Variants in CDCP1 observed in about 807,000 individuals in gnomAD.
The protein encoded by CDCP1 is CUB domain containing protein 1, also known as CUB domain-containing protein 1.
A neutral mutation model predicts 60.2 loss-of-function variants in CDCP1; 29 were observed. The observed-to-expected ratio is 0.48, with a 90% CI of 0.36 to 0.66. The LOEUF (loss-of-function observed/expected upper bound fraction) is 0.66. Among genes scored for constraint, CDCP1 ranks in the 30% least tolerant of loss-of-function variants. The probability of loss-of-function intolerance (pLI) is 0.00; values close to 1 mark genes in which losing one functional copy is unlikely to be tolerated. For missense variants in CDCP1, 876 were observed against 1,074.3 expected, an observed-to-expected ratio of 0.82 and a Z score of 2.58; for synonymous variants, 387 against 431.1, an observed-to-expected ratio of 0.90 and a Z score of 1.27.
chr3:45,118,758 G>A (rs1698835737), intron 1 of CDCP1, 137 bp from the exon 2 acceptor site: 8 of 664,032 alleles, frequency 1.2e-5, no homozygotes, highest in Admixed American at 8.4e-5. Context: ...GAGAAGAAGG[G>A]TGGTGCAAAA....
At chr3:45,087,497 T>C (rs1698215269) in intron 8 of CDCP1, among the ~76,000 whole-genome samples, 1 of 152,170 alleles carries the variant, frequency 6.6e-6, no homozygotes, top group African/African-American at 2.4e-5. Context: ...CCCAACTGGG[T>C]GGGCTATTCC....
chr3:45,115,068 G>A (rs76363076), intron 2 of CDCP1, among the ~76,000 whole-genome samples: 3,106 of 152,062 alleles, frequency 0.02, 107 homozygotes, highest in African/African-American at 0.069. Flanking sequence ...ATGTACAGTC[G>A]TTTTAAAAAC....
In CDCP1 at chr3:45,118,623, T is replaced by C; in HGVS notation, c.83-2A>G. On this transcript the variant is annotated splice_acceptor_variant, in intron 1 of 8. Coordinates refer to ENST00000296129, the MANE Select transcript of CDCP1 (RefSeq NM_022842.5). LOFTEE classifies it high-confidence loss of function. ...GTGGCAGAGCAATCTCAAAAGCTTC[T>C]GAAGGAAGGAAGGAAAATGAAGTAA... 3 of 1,613,570 alleles carry C rather than the reference T, an allele frequency of 1.9e-6. No homozygotes were observed. The highest frequency in any genetic ancestry group is 2.5e-6 in the Non-Finnish European group (3 of 1,179,752).
At position 45,085,521 on chromosome 3, in the gene CDCP1, C is replaced by G; in HGVS notation, c.*117G>C. On this transcript the variant is annotated 3_prime_UTR_variant, in exon 9 of 9. Transcript: ENST00000296129. This position sits in a 1 kb window ranked among gnomAD's most constrained non-coding sequence, Gnocchi z 4.2. The stretch of plus-strand genomic sequence containing the variant: ...GTGAAGTTGGCGGTGTCCAGGAAAA[C>G]CTCCTGCTGTTCCTTCTGTATAATT... 9.1e-7 allele frequency: 1 copy of G among 1,098,832 alleles called. No individual in the cohort carries two copies. The highest frequency in any genetic ancestry group is 1.3e-6 in the Non-Finnish European group (1 of 755,840). 68.1% of individuals were successfully genotyped at this position (1,098,832 alleles called of 1,614,324 possible). A position where few individuals can be genotyped will look rare whatever the true frequency, so the allele number is the denominator to read the frequency against.
In CDCP1 at chr3:45,084,516, A is replaced by G. The variant is rs1364670010; in HGVS notation, c.*1122T>C. ...GGAGGGCCAGTGTCACAGTGATGCC[A>G]TGTGAGAAAAGCTTGACCAGCCACT... is the stretch of plus-strand genomic sequence containing the variant. On this transcript the variant is annotated 3_prime_UTR_variant, in exon 9 of 9. Coordinates refer to ENST00000296129, the MANE Select transcript of CDCP1 (RefSeq NM_022842.5). The G allele has an allele frequency of 6.6e-6, 1 of 152,220 alleles. No homozygotes were observed. Among genetic ancestry groups the G allele is most frequent in the Non-Finnish European group, 1.5e-5 (1 of 68,056 alleles). The allele number at this position is 152,220 out of a possible 1,614,324, so 9.4% of individuals were successfully genotyped here.
In CDCP1 at chr3:45,091,273, G is replaced by A. The variant is rs746904977; in HGVS notation, c.1893C>T (p.Phe631=). 5 of 1,613,950 alleles carry A rather than the reference G, an allele frequency of 3.1e-6. No individual in the cohort carries two copies. Among genetic ancestry groups the A allele is most frequent in the Non-Finnish European group, 4.2e-6 (5 of 1,180,038 alleles). The change falls in exon 7 of 9, where the codon TTC becomes TTT. Residue 631 remains phenylalanine (F), a synonymous_variant. Transcript: ENST00000296129. This position sits in a 1 kb window ranked among gnomAD's most constrained non-coding sequence, Gnocchi z 4.8. Reference sequence around the variant, plus strand: ...TGTTGACCCAGAAGCTGTGATGGTGGAAGCTTGGCTTGGGGAGCACATCCT... The same window carrying A: ...TGTTGACCCAGAAGCTGTGATGGTGAAAGCTTGGCTTGGGGAGCACATCCT... ...LDEDVLPKPS[F]HHHSFWVNIS...
chr3:45,093,502 G>A lies in CDCP1; in HGVS notation c.1402C>T (p.Gln468Ter), dbSNP rs1196565409. 2 of 1,614,124 alleles carry A rather than the reference G, an allele frequency of 1.2e-6. No homozygotes were observed. Among genetic ancestry groups the A allele is most frequent in the South Asian group, 2.2e-5 (2 of 91,084 alleles). Residue 468 changes from glutamine to a stop codon, truncating the protein, a stop_gained, in exon 6 of 9, where the codon CAG becomes TAG. Transcript: ENST00000296129. LOFTEE classifies it high-confidence loss of function. The stretch of plus-strand genomic sequence containing the variant: ...CAGGGCTTCTCGTGTGTATGCTGCT[G>A]CAGCTTCTGGGCTGGCACCAGCACC... ...SLVLVPAQKL[Q>*]QHTHEKPCNT... is the part of the protein sequence containing the mutation.
chr3:45,102,603 G>A (rs1416245647), intron 4 of CDCP1, among the ~76,000 whole-genome samples: 3 of 146,860 alleles, frequency 2.0e-5, no homozygotes, highest in Non-Finnish European at 3.0e-5. Context: ...TTAGGAGTTC[G>A]AGACCAACCT....
chr3:45,089,981 G>A (rs182836110), intron 7 of CDCP1, among the ~76,000 whole-genome samples: 57 of 152,294 alleles, frequency 3.7e-4, no homozygotes, highest in African/African-American at 1.2e-3. Context: ...ACCAAACAGC[G>A]AATTAGAATG....
In CDCP1 at chr3:45,142,455, C is replaced by T. The variant is rs1011301854; in HGVS notation, c.82+3751G>A. Among the ~76,000 whole-genome samples, 9 of 152,312 alleles carry T rather than the reference C, an allele frequency of 5.9e-5. No homozygotes were observed. The South Asian group carries it at 1.0e-3, about 18-fold the overall frequency. On this transcript the variant is annotated intron_variant, in intron 1 of 8. Coordinates refer to ENST00000296129, the MANE Select transcript of CDCP1 (RefSeq NM_022842.5). ...TTCTAAGACTCTTGAGTCTGCCCAG[C>T]AACACTGTCCAGATTCTATTTGCCA... is the stretch of plus-strand genomic sequence containing the variant.
intron 1 of CDCP1, among the ~76,000 whole-genome samples, chr3:45,126,108 C>CTCTTTCTTTCCTTTCTT (rs1553610966): frequency 9.1e-6 from 1 of 110,010 alleles, no homozygotes; most frequent in African/African-American, 3.7e-5. Flanking sequence ...TTGTCTCTCT[C>CTCTTTCTTTCCTTTCTT]TCTTTCTTTC....
At chr3:45,105,110 A>C (rs1698540043) in intron 4 of CDCP1, among the ~76,000 whole-genome samples, 1 of 152,204 alleles carries the variant, frequency 6.6e-6, no homozygotes, top group Admixed American at 6.5e-5. Context: ...ACCAAAAGAA[A>C]ACCCTTCACT....
At chr3:45,101,055 A>C (rs905561738) in intron 4 of CDCP1, among the ~76,000 whole-genome samples, 3 of 152,226 alleles carry the variant, frequency 2.0e-5, no homozygotes, top group Admixed American at 6.5e-5. Context: ...TTCCAGATCC[A>C]AGTTGAAGAA....
chr3:45,104,974 G>A (rs577383648), intron 4 of CDCP1, among the ~76,000 whole-genome samples: 1 of 152,230 alleles, frequency 6.6e-6, no homozygotes, highest in Non-Finnish European at 1.5e-5. Flanking sequence ...CTTGAACCCA[G>A]GAGGCGGAGG....
At chr3:45,145,239 C>T (rs924321168) in intron 1 of CDCP1, among the ~76,000 whole-genome samples, 1 of 152,152 alleles carries the variant, frequency 6.6e-6, no homozygotes, top group Non-Finnish European at 1.5e-5. Flanking sequence ...AAACACAAAT[C>T]CACCCTAGAT....
At chr3:45,127,718 T>C (rs1230524429) in intron 1 of CDCP1, among the ~76,000 whole-genome samples, 1 of 152,188 alleles carries the variant, frequency 6.6e-6, no homozygotes, top group Non-Finnish European at 1.5e-5. Context: ...GACCTGCCAA[T>C]TCCCATTCCC....
chr3:45,093,344 A>T lies in CDCP1; in HGVS notation c.1560T>A (p.Phe520Leu), dbSNP rs557036575. Residue 520 changes from phenylalanine (F) to leucine (L), a missense_variant, in exon 6 of 9, where the codon TTT (phenylalanine) becomes TTA (leucine). This residue lies in a region of CDCP1 where 726 missense variants were observed against 935.7 expected (regional missense o/e 0.78). Transcript: ENST00000296129. ...AGGCCTCTTGTTGGAAGCTGGGGGC[A>T]AAGGTGCGAAGGGTCACCGAGATGT... ...KQNISVTLRT[F>L]APSFQQEASR... The T allele has an allele frequency of 1.1e-5, 17 of 1,614,174 alleles. 1 individual carries two copies. In the South Asian group the frequency reaches 1.4e-4, roughly 14 times the overall value.
intron 4 of CDCP1, among the ~76,000 whole-genome samples, chr3:45,097,574 A>G (rs1698422599): frequency 6.6e-6 from 1 of 151,850 alleles, no homozygotes; most frequent in South Asian, 2.1e-4. Flanking sequence ...TAACTTTGCA[A>G]TTCAAGGGTG....
At chr3:45,139,337 A>G (rs1374409502) in intron 1 of CDCP1, 6 of 152,274 alleles carry the variant, frequency 3.9e-5, no homozygotes. Flanking sequence ...AGGTTAAGCA[A>G]CTTGCCCAGC....
Sources: allele counts gnomAD v4.1 joint callset (sites outside exome capture counted in the v4.1 genomes callset), GRCh38; gene constraint gnomAD v4.1.1; regional missense constraint gnomAD v4.1.1; non-coding constraint Gnocchi (gnomAD v3.1); transcripts MANE v1.5; gene names NCBI Gene and HGNC (gene_info 2026-07-23, HGNC 2026-07-21).